The following CEP112 variants were observed in gnomAD, a reference collection of about 807,000 sequenced individuals.
The protein encoded by CEP112 is centrosomal protein 112.
CEP112 carries 127 observed loss-of-function variants against 153.0 expected under a neutral mutation model. That is an observed-to-expected ratio of 0.83 (90% CI 0.72 to 0.96). The LOEUF (loss-of-function observed/expected upper bound fraction) is 0.96. Ranked by LOEUF, CEP112 falls within the 40% of genes least tolerant of loss-of-function variation. The probability of loss-of-function intolerance (pLI) is 0.00; values close to 1 mark genes in which losing one functional copy is unlikely to be tolerated. For missense variants in CEP112, 1,089 were observed against 1,101.2 expected (o/e 0.99, Z 0.16); for synonymous variants, 358 against 374.4 (o/e 0.96, Z 0.51).
chr17:66,056,914 A>G (rs1362930665), intron 11 of CEP112, among the ~76,000 whole-genome samples: 1 of 152,218 alleles, frequency 6.6e-6, no homozygotes, highest in Non-Finnish European at 1.5e-5. Flanking sequence ...TATTTTTTAA[A>G]GGCCCACAGA....
Position 65,767,281 on chromosome 17 carries a change from T to C in CEP112, c.2395-16557A>G, listed in dbSNP as rs566405694. Among the ~76,000 whole-genome samples the C allele has an allele frequency of 9.2e-5, 14 of 152,128 alleles. No individual in the cohort carries two copies. The East Asian group carries it at 2.7e-3, about 29-fold the overall frequency. ...TGGAAATTAAACAACTGGCTCTAAA[T>C]AATCAATGGATCAAAGAAGAAATCA... On this transcript the variant is annotated intron_variant, in intron 21 of 26. Coordinates refer to ENST00000535342, the MANE Select transcript of CEP112 (RefSeq NM_001199165.4).
At chr17:65,719,768 A>G (rs1254520001) in intron 23 of CEP112, among the ~76,000 whole-genome samples, 1 of 152,198 alleles carries the variant, frequency 6.6e-6, no homozygotes, top group Non-Finnish European at 1.5e-5. Context: ...AGATTTTTTA[A>G]AAGATCAGCA....
chr17:65,981,381 T>G (rs567812699), intron 17 of CEP112, among the ~76,000 whole-genome samples: 44 of 152,314 alleles, frequency 2.9e-4, no homozygotes, highest in African/African-American at 9.9e-4. Context: ...GCATATTCGA[T>G]AGCTAATAGC....
intron 16 of CEP112, among the ~76,000 whole-genome samples, chr17:66,016,382 G>A: frequency 6.6e-6 from 1 of 151,974 alleles, no homozygotes; most frequent in East Asian, 1.9e-4. Flanking sequence ...AAACCACAGG[G>A]GCTGTAACTG....
chr17:65,867,270 G>A (rs946528066), intron 20 of CEP112, among the ~76,000 whole-genome samples: 19 of 152,286 alleles, frequency 1.2e-4, no homozygotes, highest in Admixed American at 3.9e-4. Flanking sequence ...CCCCATGCTC[G>A]CTCACATACT....
intron 20 of CEP112, among the ~76,000 whole-genome samples, chr17:65,882,881 G>T (rs66816134): frequency 0.16 from 24,699 of 152,088 alleles, 2,623 homozygotes; most frequent in South Asian, 0.31. Flanking sequence ...AGCAAGCCGT[G>T]AGCCTCCTTC....
chr17:66,060,894 G>GAAAAA (rs34601457), intron 11 of CEP112, among the ~76,000 whole-genome samples: 1 of 141,266 alleles, frequency 7.1e-6, no homozygotes, highest in Non-Finnish European at 1.5e-5. Flanking sequence ...CAAAAGCAAG[G>GAAAAA]AAAAAAAAAA....
chr17:66,124,374 A>G (rs796548296), intron 6 of CEP112, among the ~76,000 whole-genome samples: 1 of 152,272 alleles, frequency 6.6e-6, no homozygotes, highest in African/African-American at 2.4e-5. Flanking sequence ...GCATACTCTC[A>G]GAGGAAAGTA....
intron 18 of CEP112, among the ~76,000 whole-genome samples, chr17:65,931,304 G>A (rs1183916545): frequency 1.3e-5 from 2 of 152,138 alleles, no homozygotes; most frequent in East Asian, 1.9e-4. Context: ...GCTGACACAT[G>A]CTCTTGGATT....
chr17:65,994,729 C>T (rs1010398808), intron 17 of CEP112, among the ~76,000 whole-genome samples: 3 of 152,102 alleles, frequency 2.0e-5, no homozygotes, highest in Admixed American at 6.5e-5. Flanking sequence ...GAGAGCCAAA[C>T]ATGTAAAAAA....
At chr17:66,094,847 T>TAGAC (rs1362303849) in intron 8 of CEP112, among the ~76,000 whole-genome samples, 6 of 152,236 alleles carry the variant, frequency 3.9e-5, no homozygotes, top group Admixed American at 1.3e-4. Context: ...AGGATCTGAA[T>TAGAC]AGACATTCCT....
intron 24 of CEP112, among the ~76,000 whole-genome samples, chr17:65,652,335 GTT>G (rs1296582404): frequency 1.3e-5 from 2 of 152,018 alleles, no homozygotes; most frequent in Non-Finnish European, 1.5e-5. Flanking sequence ...CTGTGCCTCA[GTT>G]TTCTTATCAG....
chr17:65,827,377 C>T (rs1188809156), intron 21 of CEP112, among the ~76,000 whole-genome samples: 1 of 152,204 alleles, frequency 6.6e-6, no homozygotes, highest in Admixed American at 6.5e-5. Flanking sequence ...GGCTTACTTT[C>T]TGGCTCTCAT....
chr17:66,125,011 G>A (rs1299461113), intron 6 of CEP112, among the ~76,000 whole-genome samples: 2 of 151,976 alleles, frequency 1.3e-5, no homozygotes, highest in Non-Finnish European at 2.9e-5. Flanking sequence ...TATAAATACT[G>A]TTACGGCTTT....
chr17:66,175,240 T>C (rs2072422348), intron 3 of CEP112, 24 bp from the exon 4 acceptor site: 1 of 1,498,418 alleles, frequency 6.7e-7, no homozygotes, highest in Admixed American at 2.3e-5. Flanking sequence ...ATTAGAAAAA[T>C]TATTCTTTCA....
At chr17:65,900,962 C>A (rs1286290122) in intron 20 of CEP112, among the ~76,000 whole-genome samples, 1 of 152,116 alleles carries the variant, frequency 6.6e-6, no homozygotes, top group Non-Finnish European at 1.5e-5. Context: ...ACAACAAAAC[C>A]TGTGCTGTGT....
At chr17:65,986,861 A>T (rs914747987) in intron 17 of CEP112, among the ~76,000 whole-genome samples, 1 of 152,160 alleles carries the variant, frequency 6.6e-6, no homozygotes, top group Non-Finnish European at 1.5e-5. Context: ...TGACATGGAG[A>T]AGACACAAGA....
At chr17:65,785,055 G>T (rs965390833) in intron 21 of CEP112, among the ~76,000 whole-genome samples, 1 of 152,144 alleles carries the variant, frequency 6.6e-6, no homozygotes, top group Non-Finnish European at 1.5e-5. Context: ...TCCACTCTGG[G>T]CATTTCACGT....
chr17:66,038,661 A>T (rs996197322), intron 12 of CEP112, among the ~76,000 whole-genome samples: 2 of 152,230 alleles, frequency 1.3e-5, no homozygotes, highest in African/African-American at 4.8e-5. Flanking sequence ...TGACAACAGA[A>T]TCAGGGAAGA....
Sources: allele counts gnomAD v4.1 joint callset (sites outside exome capture counted in the v4.1 genomes callset), GRCh38; gene constraint gnomAD v4.1.1; transcripts MANE v1.5; gene names NCBI Gene and HGNC (gene_info 2026-07-23, HGNC 2026-07-21).